Variants in TAFA5 observed in about 807,000 individuals in gnomAD.
The protein encoded by TAFA5 is chemokine-like protein TAFA-5.
In TAFA5, 6 loss-of-function variants were observed where a neutral mutation model predicts 15.3. The observed-to-expected ratio is 0.39, with a 90% CI of 0.21 to 0.77. The LOEUF (loss-of-function observed/expected upper bound fraction) is 0.77, where lower values mean the gene tolerates loss of function less well. TAFA5 is among the 30% of genes least tolerant of loss of function. The pLI, the probability that TAFA5 is intolerant of heterozygous loss-of-function variation, is 0.41. For missense variants in TAFA5, 161 were observed against 193.1 expected, an observed-to-expected ratio of 0.83 and a Z score of 0.98; for synonymous variants, 103 against 80.7, an observed-to-expected ratio of 1.28 and a Z score of -1.48.
chr22:48,735,918 C>G (rs1705419874), intron 3 of TAFA5, among the ~76,000 whole-genome samples: 1 of 149,716 alleles, frequency 6.7e-6, no homozygotes, highest in Non-Finnish European at 1.5e-5. Context: ...GAGTCCATCC[C>G]CCCAGGAGGA....
chr22:48,624,444 A>T (rs1431224217), intron 1 of TAFA5, among the ~76,000 whole-genome samples: 1 of 152,168 alleles, frequency 6.6e-6, no homozygotes, highest in Non-Finnish European at 1.5e-5. Context: ...ATGAGGACAC[A>T]TCCACTCTAC....
intron 3 of TAFA5, among the ~76,000 whole-genome samples, chr22:48,718,094 C>A (rs132249): frequency 0.27 from 41,295 of 152,090 alleles, 6,598 homozygotes; most frequent in Non-Finnish European, 0.37. Flanking sequence ...GGACAGCAGG[C>A]CACGGGCTGA....
At chr22:48,630,728 C>T (rs965169713) in intron 1 of TAFA5, among the ~76,000 whole-genome samples, 1 of 152,282 alleles carries the variant, frequency 6.6e-6, no homozygotes, top group African/African-American at 2.4e-5. Context: ...GGCTGGCTAC[C>T]GGGGCCCTGA....
intron 1 of TAFA5, among the ~76,000 whole-genome samples, chr22:48,588,700 G>A (rs35978710): frequency 0.37 from 56,575 of 152,006 alleles, 13,026 homozygotes; most frequent in African/African-American, 0.64. Flanking sequence ...GTGGCCTCCC[G>A]GTTGGGGCAG....
rs576126017 is a variant in TAFA5 at position 48,652,485 on chromosome 22, C to T, written c.262+5739C>T. Among the ~76,000 whole-genome samples, 45 of 152,338 alleles carry T rather than the reference C, an allele frequency of 3.0e-4. No homozygotes were observed. In the South Asian group the frequency reaches 9.1e-3, roughly 31 times the overall value. On this transcript the variant is annotated intron_variant, in intron 2 of 3. Coordinates refer to ENST00000402357, the MANE Select transcript of TAFA5 (RefSeq NM_001082967.3). ...CACAGAGCTCACAGGAGACCGCCTG[C>T]TGGCAGTTGGCTGTTCATGGGCAGC...
chr22:48,503,453 C>CT (rs1448821515), intron 1 of TAFA5, among the ~76,000 whole-genome samples: 2 of 152,186 alleles, frequency 1.3e-5, no homozygotes, highest in Non-Finnish European at 2.9e-5. Context: ...GTTTCAGAAC[C>CT]CACAGCCTAG....
chr22:48,591,232 TTTC>T (rs1182031655), intron 1 of TAFA5, among the ~76,000 whole-genome samples: 12 of 152,270 alleles, frequency 7.9e-5, no homozygotes, highest in Non-Finnish European at 1.5e-4. Flanking sequence ...ATTGAGTTGG[TTTC>T]TTCTTGTCTC....
chr22:48,663,764 A>C (rs1240204116), intron 2 of TAFA5, among the ~76,000 whole-genome samples: 1 of 152,220 alleles, frequency 6.6e-6, no homozygotes, highest in Non-Finnish European at 1.5e-5. Flanking sequence ...ACACTGTCCA[A>C]GTCAGCTGCC....
At position 48,525,257 on chromosome 22, in the gene TAFA5, C is replaced by A. The variant is rs1921740406; in HGVS notation, c.112+35553C>A. Among the ~76,000 whole-genome samples the A allele has an allele frequency of 2.6e-5, 4 of 152,144 alleles. No individual in the cohort carries two copies. The South Asian group carries it at 8.3e-4, about 32-fold the overall frequency. ...AGCTTCTTTGGGGACATCCCTCGGC[C>A]CAGGGGATGCTCCCCATGGGGGGTC... On this transcript the variant is annotated intron_variant, in intron 1 of 3. Coordinates refer to ENST00000402357, the MANE Select transcript of TAFA5 (RefSeq NM_001082967.3).
chr22:48,642,311 CG>C (rs1470372223), intron 1 of TAFA5, among the ~76,000 whole-genome samples: 1 of 152,170 alleles, frequency 6.6e-6, no homozygotes, highest in African/African-American at 2.4e-5. Flanking sequence ...TGCAAAGGGG[CG>C]GCCCAGGGGT....
chr22:48,623,409 C>G (rs1242379819), intron 1 of TAFA5, among the ~76,000 whole-genome samples: 1 of 141,606 alleles, frequency 7.1e-6, no homozygotes, highest in Non-Finnish European at 1.6e-5. Flanking sequence ...GTCGCGTGGC[C>G]CTGCGCGGTG....
intron 2 of TAFA5, among the ~76,000 whole-genome samples, chr22:48,690,698 G>A (rs1217891977): frequency 5.9e-5 from 9 of 152,220 alleles, no homozygotes; most frequent in African/African-American, 9.6e-5. Flanking sequence ...TTGGACTGAT[G>A]TAATCAGAGC....
intron 1 of TAFA5, among the ~76,000 whole-genome samples, chr22:48,615,351 G>A (rs1925561149): frequency 6.6e-6 from 1 of 152,238 alleles, no homozygotes; most frequent in Non-Finnish European, 1.5e-5. Flanking sequence ...GCAAAGGGAA[G>A]CGGATGGCTT....
At chr22:48,524,529 C>T (rs960522635) in intron 1 of TAFA5, among the ~76,000 whole-genome samples, 3 of 152,320 alleles carry the variant, frequency 2.0e-5, no homozygotes, top group East Asian at 1.9e-4. Flanking sequence ...GCCTGAGATG[C>T]GGAAGAGGCA....
At chr22:48,720,605 G>T (rs771720897) in intron 3 of TAFA5, among the ~76,000 whole-genome samples, 1 of 152,172 alleles carries the variant, frequency 6.6e-6, no homozygotes, top group East Asian at 1.9e-4. Flanking sequence ...ACCATCCTCC[G>T]GCTATGCAGG....
chr22:48,525,100 G>A (rs1217596196), intron 1 of TAFA5, among the ~76,000 whole-genome samples: 4 of 152,144 alleles, frequency 2.6e-5, no homozygotes, highest in African/African-American at 9.7e-5. Context: ...CTTGTGATGA[G>A]TTGGAGCCCA....
rs955434157 is a variant in TAFA5, at chr22:48,705,618, T to C, written c.263-2099T>C. Reference sequence around the variant, plus strand: ...CATGATTGGCTGACCCTGTGCAAAATGAAATGCAAGGCCCTTGTTAAAAAT... The same window carrying C: ...CATGATTGGCTGACCCTGTGCAAAACGAAATGCAAGGCCCTTGTTAAAAAT... On this transcript the variant is annotated intron_variant, in intron 2 of 3. Transcript: ENST00000402357. 2.0e-5 allele frequency among the ~76,000 whole-genome samples: 3 copies of C among 152,316 alleles called. No homozygotes were observed. In the East Asian group the frequency reaches 5.8e-4, roughly 29 times the overall value.
intron 1 of TAFA5, among the ~76,000 whole-genome samples, chr22:48,494,864 T>C (rs1928272984): frequency 6.6e-6 from 1 of 152,198 alleles, no homozygotes; most frequent in Non-Finnish European, 1.5e-5. Context: ...CCCCGGCGAA[T>C]GTGGTAGAGG....
chr22:48,529,315 T>G (rs1013021459), intron 1 of TAFA5, among the ~76,000 whole-genome samples: 1 of 75,624 alleles, frequency 1.3e-5, no homozygotes, highest in Admixed American at 1.5e-4. Flanking sequence ...GAGATGGGGG[T>G]GTCCAGGCAG....
Sources: gnomAD v4.1 joint callset for allele counts (sites outside exome capture counted in the v4.1 genomes callset) on GRCh38, gnomAD v4.1.1 for gene constraint, MANE v1.5 for transcripts, NCBI Gene and HGNC (gene_info 2026-07-23, HGNC 2026-07-21) for gene names.